Variants in CRTC2 observed in about 807,000 individuals in gnomAD.
CRTC2 encodes the protein CREB-regulated transcription coactivator 2.
In CRTC2, 25 loss-of-function variants were observed where a neutral mutation model predicts 70.9. The ratio of observed to expected loss-of-function variants is 0.35; its 90% confidence interval spans 0.26 to 0.49. CRTC2 has a LOEUF of 0.49. Among genes scored for constraint, CRTC2 ranks in the 20% least tolerant of loss-of-function variants. The pLI, the probability that CRTC2 is intolerant of heterozygous loss-of-function variation, is 0.98. For synonymous variants in CRTC2, 330 were observed against 364.1 expected (o/e 0.91, Z 1.07); for missense variants, 737 against 882.6 (o/e 0.83, Z 2.09).
Position 153,948,639 on chromosome 1 carries a change from C to A in CRTC2, c.1680G>T (p.Glu560Asp). 1 of 1,583,088 alleles carries A rather than the reference C, an allele frequency of 6.3e-7. No individual in the cohort carries two copies. Among genetic ancestry groups the A allele is most frequent in the Non-Finnish European group, 8.6e-7 (1 of 1,166,634 alleles). ...CTGATGGGCTCTCCATGCTGAACTGCTCCAGCTATAGACATACAGACAAAT... is the reference window on the plus strand; with the variant it reads ...CTGATGGGCTCTCCATGCTGAACTGATCCAGCTATAGACATACAGACAAAT... ...PMSDFNLGNLEQFSMESPSAS... is the reference protein window; with the variant it reads ...PMSDFNLGNLDQFSMESPSAS... The change falls in exon 13 of 14, where the codon GAG becomes GAT. Residue 560 changes from glutamate (E) to aspartate (D), a missense_variant. Around this residue, in one of 3 missense-constraint regions of CRTC2, gnomAD observed 699 missense variants for 823.7 expected, o/e 0.85. Transcript: ENST00000368633.
At chr1:153,953,479 A>G in intron 5 of CRTC2, 59 bp downstream of exon 5, 2 of 1,555,078 alleles carry the variant, frequency 1.3e-6, no homozygotes, top group Non-Finnish European at 1.8e-6. Context: ...GGGGTGAGGG[A>G]GCAGGGCCCC....
rs550576187 is a variant in CRTC2 at position 153,952,454 on chromosome 1, G to T, written c.703-8C>A. The stretch of plus-strand genomic sequence containing the variant: ...GGAAGAGGATGAGGATAGCTGAGGA[G>T]AGAAGGGAGAATATGGAAAATGAGG... On this transcript the variant is annotated splice_region_variant and splice_polypyrimidine_tract_variant and intron_variant, in intron 8 of 13. Coordinates refer to ENST00000368633, the MANE Select transcript of CRTC2 (RefSeq NM_181715.3). 8.7e-6 allele frequency: 14 copies of T among 1,614,056 alleles called. No individual in the cohort carries two copies. The highest frequency in any genetic ancestry group is 1.1e-5 in the Non-Finnish European group (13 of 1,179,996).
chr1:153,952,679 C>G, intron 7 of CRTC2, 44 bp from the exon 8 acceptor site: 1 of 1,611,684 alleles, frequency 6.2e-7, no homozygotes, highest in Non-Finnish European at 8.5e-7. Context: ...GAGAAAGAGC[C>G]AGTAAGGCAG....
rs746633873 is a variant in CRTC2 at position 153,953,366 on chromosome 1, T to C, written c.507A>G (p.Thr169=). Residue 169 remains threonine, a synonymous_variant, in exon 6 of 14, where the codon ACA becomes ACG. Transcript: ENST00000368633. The stretch of plus-strand genomic sequence containing the variant: ...TTGTATGAAGGGCAGAGTCAGAGCT[T>C]GTCCTATGGGGGGAGCAGGAATGAG... ...LFRLPSALNR[T]SSDSALHTSV... is the part of the protein sequence containing the mutation. 21 of 1,604,468 alleles carry C rather than the reference T, an allele frequency of 1.3e-5. No homozygotes were observed. The highest frequency in any genetic ancestry group is 5.2e-5 in the Admixed American group (3 of 58,160).
Position 153,958,341 on chromosome 1 carries a change from T to G in CRTC2, c.153+4A>C. 6.2e-7 allele frequency: 1 copy of G among 1,610,978 alleles called. No individual in the cohort carries two copies. Among genetic ancestry groups the G allele is most frequent in the Non-Finnish European group, 8.5e-7 (1 of 1,179,092 alleles). ...TGCTCCGGCTCCCCGGCGCGGCCCC[T>G]CACCCGGGTGGAGCCGATGTCCATC... On this transcript the variant is annotated splice_donor_region_variant and intron_variant, in intron 1 of 13. Transcript: ENST00000368633.
At chr1:153,953,447 C>G in intron 5 of CRTC2, 78 bp from the exon 6 acceptor site, 3 of 1,519,582 alleles carry the variant, frequency 2.0e-6, no homozygotes, top group Non-Finnish European at 2.7e-6. Context: ...AGGGAAAACA[C>G]TAGCTGGTCT....
chr1:153,951,152 G>A (rs1424152500), intron 11 of CRTC2, 108 bp downstream of exon 11: 45 of 1,166,014 alleles, frequency 3.9e-5, no homozygotes, highest in Non-Finnish European at 5.3e-5. Context: ...AGGAATGGAA[G>A]GGGATGAGTA....
chr1:153,951,853 T>C, intron 10 of CRTC2, 165 bp downstream of exon 10: 1 of 1,101,566 alleles, frequency 9.1e-7, no homozygotes, highest in Non-Finnish European at 1.3e-6. Context: ...ACACCACACC[T>C]ACCAGTTATC....
Position 153,951,493 on chromosome 1 carries a change from A to C in CRTC2, c.1171T>G (p.Ser391Ala). Residue 391 changes from serine to alanine, a missense_variant, in exon 11 of 14, where the codon TCA becomes GCA. Transcript: ENST00000368633. ...VLPTTSLGHPSLSAPALSSSS... is the reference protein window; with the variant it reads ...VLPTTSLGHPALSAPALSSSS... ...GAGGAGAGAGCCGGAGCACTGAGTGAGGGGTGGCCCAGGGAGGTGGTGGGC... is the reference window on the plus strand; with the variant it reads ...GAGGAGAGAGCCGGAGCACTGAGTGCGGGGTGGCCCAGGGAGGTGGTGGGC... 1 of 1,600,814 alleles carries C rather than the reference A, an allele frequency of 6.2e-7. No individual in the cohort carries two copies. Among genetic ancestry groups the C allele is most frequent in the Non-Finnish European group, 8.5e-7 (1 of 1,173,658 alleles).
chr1:153,958,123 C>T, intron 1 of CRTC2: 2 of 1,401,144 alleles, frequency 1.4e-6, no homozygotes, highest in Non-Finnish European at 1.9e-6. Context: ...TACTCGGCCC[C>T]CAGTCGCCTC....
At chr1:153,958,168 C>A in intron 1 of CRTC2, 177 bp downstream of exon 1, 1 of 1,421,962 alleles carries the variant, frequency 7.0e-7, no homozygotes, top group Non-Finnish European at 9.2e-7. Context: ...TCGGTCTCCC[C>A]CGGCAAAATC....
rs754415307 is a variant in CRTC2, at chr1:153,951,458, G to A, written c.1206C>T (p.Ser402=). Residue 402 remains serine, a synonymous_variant, in exon 11 of 14, where the codon TCC becomes TCT. Transcript: ENST00000368633. ...AAACAGGAGATGAAGTGGAGGAGGAGGAAGAGGAGGAGGAGAGAGCCGGAG... is the reference window on the plus strand; with the variant it reads ...AAACAGGAGATGAAGTGGAGGAGGAAGAAGAGGAGGAGGAGAGAGCCGGAG... The part of the protein sequence containing the change: ...LSAPALSSSS[S]SSSTSSPVLG... 1.0e-5 allele frequency: 16 copies of A among 1,600,702 alleles called. No homozygotes were observed. Among genetic ancestry groups the A allele is most frequent in the Non-Finnish European group, 1.3e-5 (15 of 1,173,108 alleles).
At chr1:153,957,605 C>T (rs747054992) in intron 1 of CRTC2, among the ~76,000 whole-genome samples, 3 of 152,038 alleles carry the variant, frequency 2.0e-5, no homozygotes, top group African/African-American at 7.3e-5. Flanking sequence ...CTCCAAGGCA[C>T]CCTACACACT....
intron 11 of CRTC2, among the ~76,000 whole-genome samples, chr1:153,950,457 G>A (rs1354179064): frequency 6.6e-6 from 1 of 152,184 alleles, no homozygotes; most frequent in East Asian, 1.9e-4. Flanking sequence ...ATGGAACACA[G>A]AACACACATT....
In CRTC2 at chr1:153,958,327, C is replaced by T. The variant is rs780993684; in HGVS notation, c.153+18G>A. 3 of 1,609,420 alleles carry T rather than the reference C, an allele frequency of 1.9e-6. No individual in the cohort carries two copies. Among genetic ancestry groups the T allele is most frequent in the Non-Finnish European group, 2.5e-6 (3 of 1,178,618 alleles). On this transcript the variant is annotated intron_variant, in intron 1 of 13. Transcript: ENST00000368633. ...TAACTGCTCAGCTCTGCTCCGGCTC[C>T]CCGGCGCGGCCCCTCACCCGGGTGG...
intron 5 of CRTC2, 32 bp from the exon 6 acceptor site, chr1:153,953,401 G>A (rs749070873): frequency 6.5e-7 from 1 of 1,549,290 alleles, no homozygotes; most frequent in South Asian, 1.1e-5. Flanking sequence ...GCTGACACCA[G>A]TGACAGTCTT....
intron 9 of CRTC2, 45 bp downstream of exon 9, chr1:153,952,352 G>C (rs1680375585): frequency 1.2e-6 from 2 of 1,610,324 alleles, no homozygotes; most frequent in African/African-American, 2.7e-5. Context: ...ACATCTCCCT[G>C]TACTTCCTTC....
At position 153,947,914 on chromosome 1, in the gene CRTC2, C is replaced by G; in HGVS notation, c.*195G>C. The G allele has an allele frequency of 3.2e-6, 2 of 630,808 alleles. No individual in the cohort carries two copies. Among genetic ancestry groups the G allele is most frequent in the Non-Finnish European group, 5.6e-6 (2 of 359,654 alleles). 39.1% of individuals were successfully genotyped at this position (630,808 alleles called of 1,614,324 possible). On this transcript the variant is annotated 3_prime_UTR_variant, in exon 14 of 14. Coordinates refer to ENST00000368633, the MANE Select transcript of CRTC2 (RefSeq NM_181715.3). ...GCTTTAGGCCCTCCCTTGAGTTCCC[C>G]CAGGCCCATCCCTTGCGCAGAATTC...
rs776407350 is a variant in CRTC2, at chr1:153,955,095, G to A, written c.225C>T (p.Asn75=). ...ACTCGGCCAGGCCAGAGCCAATCTG[G>A]TTAACATTGGGCAGAGACCCACCAT... ...SHYGGSLPNV[N]QIGSGLAEFQ... is the part of the protein sequence containing the mutation. Residue 75 remains asparagine, a synonymous_variant, in exon 2 of 14, where the codon AAC becomes AAT. Coordinates refer to ENST00000368633, the MANE Select transcript of CRTC2 (RefSeq NM_181715.3). The A allele has an allele frequency of 6.2e-7, 1 of 1,614,020 alleles. No homozygotes were observed. Among genetic ancestry groups the A allele is most frequent in the Non-Finnish European group, 8.5e-7 (1 of 1,179,994 alleles).
Sources: gnomAD v4.1 joint callset for allele counts (sites outside exome capture counted in the v4.1 genomes callset) on GRCh38, gnomAD v4.1.1 for gene constraint, gnomAD v4.1.1 regional missense constraint, MANE v1.5 for transcripts, NCBI Gene and HGNC (gene_info 2026-07-23, HGNC 2026-07-21) for gene names.